GTF2F2: variants seen among roughly 807,000 people sequenced by gnomAD.
GTF2F2 encodes the protein ATP-dependent helicase GTF2F2.
In GTF2F2, 23 loss-of-function variants were observed where a neutral mutation model predicts 42.2. That is an observed-to-expected ratio of 0.55 (90% CI 0.39 to 0.77). The LOEUF is 0.77. Ranked by LOEUF, GTF2F2 falls within the 30% of genes least tolerant of loss-of-function variation. The probability of loss-of-function intolerance (pLI) is 0.00; values close to 1 mark genes in which losing one functional copy is unlikely to be tolerated. For missense variants in GTF2F2, 261 were observed against 287.2 expected (o/e 0.91, Z 0.66); for synonymous variants, 105 against 100.8 (o/e 1.04, Z -0.25).
intron 6 of GTF2F2, among the ~76,000 whole-genome samples, chr13:45,262,533 TC>T (rs1351401602): frequency 6.6e-6 from 1 of 151,966 alleles, no homozygotes. Context: ...GCTCAAGTGA[TC>T]CTCCCACCTC....
At chr13:45,208,997 G>A (rs1873528104) in intron 5 of GTF2F2, among the ~76,000 whole-genome samples, 1 of 152,128 alleles carries the variant, frequency 6.6e-6, no homozygotes, top group African/African-American at 2.4e-5. Context: ...TTACCAAGCT[G>A]CTTACCAAGA....
intron 1 of GTF2F2, among the ~76,000 whole-genome samples, chr13:45,135,509 C>G (rs112910582): frequency 6.6e-6 from 1 of 151,262 alleles, no homozygotes; most frequent in Non-Finnish European, 1.5e-5. Context: ...CTGCCCGCCT[C>G]GGCCTTCCAA....
intron 5 of GTF2F2, among the ~76,000 whole-genome samples, chr13:45,216,739 G>A (rs976784790): frequency 7.9e-5 from 12 of 151,782 alleles, no homozygotes; most frequent in East Asian, 2.0e-4. Flanking sequence ...GGCTGCTCTC[G>A]AACTCCTGAC....
chr13:45,205,995 T>C (rs148346982), intron 4 of GTF2F2, among the ~76,000 whole-genome samples: 46 of 152,318 alleles, frequency 3.0e-4, no homozygotes, highest in African/African-American at 1.1e-3. Flanking sequence ...GCTTTTTGCT[T>C]TAAGAAAATT....
At chr13:45,278,073 T>C (rs1047760816) in intron 7 of GTF2F2, among the ~76,000 whole-genome samples, 4 of 152,212 alleles carry the variant, frequency 2.6e-5, no homozygotes, top group Admixed American at 2.0e-4. Context: ...TAAGATGAAA[T>C]GCAGATTAAG....
chr13:45,221,260 C>G (rs1326237594), intron 5 of GTF2F2, among the ~76,000 whole-genome samples: 1 of 152,100 alleles, frequency 6.6e-6, no homozygotes, highest in Non-Finnish European at 1.5e-5. Context: ...CAAGACACAT[C>G]TAGTCAATGA....
chr13:45,253,154 A>G (rs1875948940), intron 6 of GTF2F2, among the ~76,000 whole-genome samples, 184 bp downstream of exon 6: 1 of 151,850 alleles, frequency 6.6e-6, no homozygotes, highest in Non-Finnish European at 1.5e-5. Context: ...AAAGATGTTC[A>G]CTCTACATTG....
intron 4 of GTF2F2, chr13:45,193,299 T>A (rs1872728149): frequency 6.5e-6 from 1 of 153,110 alleles, no homozygotes; most frequent in Non-Finnish European, 1.5e-5. Flanking sequence ...TATAGCTCTG[T>A]TTTAGTTAGA....
chr13:45,138,092 C>G (rs1869726762), intron 2 of GTF2F2, among the ~76,000 whole-genome samples: 1 of 151,950 alleles, frequency 6.6e-6, no homozygotes, highest in Admixed American at 6.6e-5. Context: ...TTTTTTTCCC[C>G]ACTTTACTCT....
intron 6 of GTF2F2, among the ~76,000 whole-genome samples, chr13:45,259,435 CA>C (rs900401234): frequency 6.6e-5 from 10 of 151,790 alleles, no homozygotes; most frequent in African/African-American, 2.4e-4. Flanking sequence ...TCAAAAAAAA[CA>C]AAACAAAACA....
intron 4 of GTF2F2, among the ~76,000 whole-genome samples, chr13:45,157,285 ATTAGG>A (rs2138127150): frequency 6.6e-6 from 1 of 152,322 alleles, no homozygotes; most frequent in South Asian, 2.1e-4. Context: ...TAGTGGGCTA[ATTAGG>A]TTAGGGAAGA....
intron 5 of GTF2F2, among the ~76,000 whole-genome samples, chr13:45,211,625 T>C (rs1365382795): frequency 1.3e-5 from 2 of 150,332 alleles, no homozygotes; most frequent in African/African-American, 4.9e-5. Flanking sequence ...TTTGCTCTCG[T>C]TGCCCAGGCT....
intron 4 of GTF2F2, among the ~76,000 whole-genome samples, chr13:45,203,849 C>T (rs888548319): frequency 2.0e-5 from 3 of 152,194 alleles, no homozygotes; most frequent in Admixed American, 1.3e-4. Flanking sequence ...AAAAGTGCTT[C>T]TGGTGTATTA....
chr13:45,197,426 C>T (rs1593485677), intron 4 of GTF2F2, among the ~76,000 whole-genome samples: 1 of 150,310 alleles, frequency 6.7e-6, no homozygotes, highest in Non-Finnish European at 1.5e-5. Context: ...GGAGAATCGC[C>T]TGAGCCCGGG....
At chr13:45,152,621 T>C (rs1340472285) in intron 4 of GTF2F2, among the ~76,000 whole-genome samples, 1 of 152,230 alleles carries the variant, frequency 6.6e-6, no homozygotes, top group Non-Finnish European at 1.5e-5. Context: ...GAGATAACTT[T>C]TAATTGACAC....
chr13:45,168,298 C>T (rs543716233), intron 4 of GTF2F2, among the ~76,000 whole-genome samples: 135 of 152,350 alleles, frequency 8.9e-4, no homozygotes, highest in African/African-American at 3.0e-3. Flanking sequence ...TTTTACATCT[C>T]GGCACCTTTG....
intron 7 of GTF2F2, among the ~76,000 whole-genome samples, chr13:45,281,310 C>G (rs1877250533): frequency 6.6e-6 from 1 of 152,180 alleles, no homozygotes; most frequent in Admixed American, 6.5e-5. Context: ...CCTGAAGGAA[C>G]CTCTGTATAC....
At chr13:45,209,993 T>C (rs947646461) in intron 5 of GTF2F2, among the ~76,000 whole-genome samples, 7 of 152,178 alleles carry the variant, frequency 4.6e-5, no homozygotes, top group Non-Finnish European at 7.4e-5. Context: ...TGAACTGCCA[T>C]TATTTCTTAC....
Position 45,151,776 on chromosome 13 carries a change from T to G in GTF2F2, c.249T>G (p.Phe83Leu), listed in dbSNP as rs754735108. The part of the protein sequence containing the change: ...ASVSAPREHP[F>L]VLQSVGGQTL... ...TCAGTGCTCCTAGAGAACATCCATT[T>G]GTCTTGCAAAGTGTTGGAGGACAGA... The change falls in exon 4 of 8, where the codon TTT becomes TTG. Residue 83 changes from phenylalanine to leucine, a missense_variant. Phe to Leu is a conservative substitution (Grantham distance 22). Transcript: ENST00000340473. The G allele has an allele frequency of 2.5e-6, 4 of 1,588,058 alleles. No individual in the cohort carries two copies. Among genetic ancestry groups the G allele is most frequent in the Non-Finnish European group, 3.4e-6 (4 of 1,161,688 alleles).
Sources: gnomAD v4.1 joint callset for allele counts (sites outside exome capture counted in the v4.1 genomes callset) on GRCh38, gnomAD v4.1.1 for gene constraint, MANE v1.5 for transcripts, NCBI Gene and HGNC (gene_info 2026-07-23, HGNC 2026-07-21) for gene names.